The following NUP43 variants were observed in gnomAD, a reference collection of about 807,000 sequenced individuals.
NUP43 encodes the protein nucleoporin Nup43.
Under a neutral mutation model 47.3 loss-of-function variants are expected in NUP43, and 32 were observed. That is an observed-to-expected ratio of 0.68 (90% confidence interval 0.51 to 0.91). The LOEUF is 0.91. NUP43 is among the 40% of genes least tolerant of loss of function. The pLI is 0.00. For synonymous variants in NUP43, 147 were observed against 158.4 expected (o/e 0.93, Z 0.54); for missense variants, 444 against 453.9 (o/e 0.98, Z 0.20).
intron 4 of NUP43, among the ~76,000 whole-genome samples, chr6:149,739,364 AC>A (rs1213443765): frequency 6.6e-6 from 1 of 151,934 alleles, no homozygotes; most frequent in Non-Finnish European, 1.5e-5. Context: ...TGGGCTCACT[AC>A]AACCTCCGCC....
chr6:149,729,803 G>A (rs963268614), intron 7 of NUP43, among the ~76,000 whole-genome samples: 1 of 151,920 alleles, frequency 6.6e-6, no homozygotes, highest in Non-Finnish European at 1.5e-5. Flanking sequence ...ACTGTTACAC[G>A]TCCTAACACC....
intron 4 of NUP43, among the ~76,000 whole-genome samples, chr6:149,739,920 A>C (rs569826762): frequency 3.3e-5 from 5 of 152,320 alleles, no homozygotes; most frequent in Non-Finnish European, 7.3e-5. Flanking sequence ...TCATAATTTA[A>C]CATATACTTT....
chr6:149,731,506 T>G (rs1785037889), intron 7 of NUP43, 107 bp downstream of exon 7: 24 of 969,196 alleles, frequency 2.5e-5, no homozygotes, highest in East Asian at 5.7e-5. Flanking sequence ...GAGGTTGCAG[T>G]GAGCTGAGAT....
At chr6:149,747,687 G>T (rs1786083590), upstream of NUP43, among the ~76,000 whole-genome samples, 1 of 152,142 alleles carries the variant, frequency 6.6e-6, no homozygotes, top group African/African-American at 2.4e-5. Flanking sequence ...GAATACAAGA[G>T]ATATGACTTA....
chr6:149,748,919 C>A (rs539412412), upstream of NUP43, among the ~76,000 whole-genome samples: 1 of 151,118 alleles, frequency 6.6e-6, no homozygotes, highest in African/African-American at 2.4e-5. Context: ...AAGCAATGTT[C>A]TCAGTGAGCT....
chr6:149,744,192 T>A (rs966351128), intron 2 of NUP43, among the ~76,000 whole-genome samples: 13 of 151,984 alleles, frequency 8.6e-5, no homozygotes, highest in Admixed American at 3.3e-4. Flanking sequence ...CCAGCCTAGT[T>A]GACAGAGCAA....
chr6:149,749,016 C>A (rs1786174279), upstream of NUP43, among the ~76,000 whole-genome samples: 1 of 152,014 alleles, frequency 6.6e-6, no homozygotes, highest in Admixed American at 6.6e-5. Flanking sequence ...ACACTTACGT[C>A]GGGAGAATAA....
intron 7 of NUP43, 129 bp from the exon 8 acceptor site, chr6:149,727,327 A>T (rs1341614016): frequency 7.0e-7 from 1 of 1,434,022 alleles, no homozygotes; most frequent in Admixed American, 2.7e-5. Context: ...ATAGGCTAAT[A>T]ATTCCATTAT....
At chr6:149,740,173 G>A (rs1489369025) in intron 4 of NUP43, among the ~76,000 whole-genome samples, 2 of 151,374 alleles carry the variant, frequency 1.3e-5, no homozygotes, top group Non-Finnish European at 2.9e-5. Flanking sequence ...ATCCCTGGAA[G>A]GCTGAGGTGG....
chr6:149,738,998 CTT>C (rs545839293), intron 4 of NUP43, among the ~76,000 whole-genome samples: 43 of 141,264 alleles, frequency 3.0e-4, no homozygotes, highest in Admixed American at 3.6e-4. Context: ...TTTTCTGTTT[CTT>C]TTTTTTTTTT....
chr6:149,748,389 A>C (rs992563528), upstream of NUP43, among the ~76,000 whole-genome samples: 1 of 152,214 alleles, frequency 6.6e-6, no homozygotes, highest in African/African-American at 2.4e-5. Context: ...TAATCCCAGA[A>C]AATAGGTAAT....
intron 4 of NUP43, among the ~76,000 whole-genome samples, chr6:149,739,293 CTTTTT>C (rs1203057683): frequency 1.3e-5 from 2 of 151,230 alleles, no homozygotes; most frequent in African/African-American, 4.9e-5. Context: ...TTTTCTTTTT[CTTTTT>C]GTTTTTTGAG....
chr6:149,729,945 C>T (rs1784949959), intron 7 of NUP43, among the ~76,000 whole-genome samples: 1 of 150,924 alleles, frequency 6.6e-6, no homozygotes, highest in Non-Finnish European at 1.5e-5. Context: ...ACATAAACCC[C>T]GATTACAAGT....
upstream of NUP43, among the ~76,000 whole-genome samples, chr6:149,748,382 T>G (rs1226353569): frequency 1.3e-5 from 2 of 152,186 alleles, no homozygotes; most frequent in African/African-American, 2.4e-5. Context: ...GGTCACATAA[T>G]CCCAGAAAAT....
At chr6:149,744,820 T>C (rs1473456787) in intron 2 of NUP43, among the ~76,000 whole-genome samples, 2 of 151,612 alleles carry the variant, frequency 1.3e-5, no homozygotes, top group Non-Finnish European at 2.9e-5. Context: ...CGGGTGACAG[T>C]ATAAGACTTC....
At chr6:149,737,900 A>G (rs1310850747) in intron 5 of NUP43, among the ~76,000 whole-genome samples, 3 of 152,126 alleles carry the variant, frequency 2.0e-5, no homozygotes, top group African/African-American at 4.8e-5. Context: ...TGTGTTGGCC[A>G]GGCTGGTATT....
rs373819628 is a variant in NUP43 at position 149,725,054 on chromosome 6, A to G, written c.*1915T>C. 2.0e-5 allele frequency: 3 copies of G among 152,376 alleles called. No homozygotes were observed. Among genetic ancestry groups the G allele is most frequent in the African/African-American group, 4.8e-5 (2 of 41,598 alleles). The allele number at this position is 152,376 out of a possible 1,614,324, so 9.4% of individuals were successfully genotyped here. On this transcript the variant is annotated 3_prime_UTR_variant, in exon 8 of 8. Transcript: ENST00000340413. ...CAGTTTCATGAATAAAGGCAGTGAC[A>G]ATGAACAAATTCATAAATTACGGTG... is the stretch of plus-strand genomic sequence containing the variant.
At chr6:149,727,252 A>C in intron 7 of NUP43, 54 bp from the exon 8 acceptor site, 1 of 1,548,918 alleles carries the variant, frequency 6.5e-7, no homozygotes, top group Non-Finnish European at 8.8e-7. Flanking sequence ...TTATATTAGT[A>C]AACATTCAAA....
At chr6:149,746,733 A>T, upstream of NUP43, 1 of 1,415,526 alleles carries the variant, frequency 7.1e-7, no homozygotes, top group Non-Finnish European at 9.4e-7. Flanking sequence ...GAGCAGTAGG[A>T]CTTGCTCCTA....
Sources: allele counts gnomAD v4.1 joint callset (sites outside exome capture counted in the v4.1 genomes callset), GRCh38; gene constraint gnomAD v4.1.1; transcripts MANE v1.5; gene names NCBI Gene and HGNC (gene_info 2026-07-23, HGNC 2026-07-21).